The following DCAF17 variants were observed in gnomAD, a reference collection of about 807,000 sequenced individuals.
The protein encoded by DCAF17 is DDB1- and CUL4-associated factor 17.
Under a neutral mutation model 66.0 loss-of-function variants are expected in DCAF17, and 48 were observed. The observed-to-expected ratio is 0.73, with a 90% CI of 0.58 to 0.92. DCAF17 has a LOEUF of 0.92. Among genes scored for constraint, DCAF17 ranks in the 40% least tolerant of loss-of-function variants. The probability of loss-of-function intolerance (pLI) is 0.00; values close to 1 mark genes in which losing one functional copy is unlikely to be tolerated. For missense variants in DCAF17, 562 were observed against 622.8 expected, an observed-to-expected ratio of 0.90 and a Z score of 1.04; for synonymous variants, 206 against 214.6, an observed-to-expected ratio of 0.96 and a Z score of 0.35.
At chr2:171,474,166 TATTAAATTTGAAA>T in intron 10 of DCAF17, 191 bp downstream of exon 10, 1 of 601,204 alleles carries the variant, frequency 1.7e-6, no homozygotes, top group Non-Finnish European at 3.0e-6. Context: ...TGTTTGTAAA[TATTAAATTTGAAA>T]ACGTTATTTG....
At chr2:171,434,863 G>A (rs1693741595) in intron 1 of DCAF17, 160 bp downstream of exon 1, 4 of 1,157,618 alleles carry the variant, frequency 3.5e-6, no homozygotes, top group Middle Eastern at 3.0e-4. Context: ...GTGGTAATAG[G>A]GCCACCAGCT....
intron 10 of DCAF17, among the ~76,000 whole-genome samples, chr2:171,475,337 G>T (rs929253641): frequency 6.6e-6 from 1 of 152,092 alleles, no homozygotes; most frequent in African/African-American, 2.4e-5. Context: ...TTATTTTTGT[G>T]ATCTTCTGCT....
In DCAF17 at chr2:171,448,670, T is replaced by A; in HGVS notation, c.322-11T>A. 1 of 1,554,034 alleles carries A rather than the reference T, an allele frequency of 6.4e-7. No homozygotes were observed. The highest frequency in any genetic ancestry group is 8.7e-7 in the Non-Finnish European group (1 of 1,153,446). ...GCAGTTTCATTTTTATATCTCTCTT[T>A]TTTTTTTTAGGGAGATATACTTCCC... On this transcript the variant is annotated splice_polypyrimidine_tract_variant and intron_variant, in intron 3 of 13. Coordinates refer to ENST00000375255, the MANE Select transcript of DCAF17 (RefSeq NM_025000.4).
chr2:171,481,540 T>C lies in DCAF17; in HGVS notation c.*426T>C. 1 of 454,454 alleles carries C rather than the reference T, an allele frequency of 2.2e-6. No homozygotes were observed. The highest frequency in any genetic ancestry group is 1.6e-5 in the South Asian group (1 of 64,482). The allele number at this position is 454,454 out of a possible 1,614,324, so 28.2% of individuals were successfully genotyped here. On this transcript the variant is annotated 3_prime_UTR_variant, in exon 14 of 14. Transcript: ENST00000375255. ...AGTAAACATGCAGAAAGAAATCTTATATCCTCTATACCAAACTTTGCTTAA... is the reference window on the plus strand; with the variant it reads ...AGTAAACATGCAGAAAGAAATCTTACATCCTCTATACCAAACTTTGCTTAA...
chr2:171,443,707 AATATC>A, intron 3 of DCAF17, 94 bp downstream of exon 3: 1 of 962,422 alleles, frequency 1.0e-6, no homozygotes, highest in East Asian at 2.6e-5. Flanking sequence ...ATACAACTTA[AATATC>A]ATAGTGACTC....
chr2:171,468,654 T>C (rs532351603), intron 8 of DCAF17, among the ~76,000 whole-genome samples: 3 of 152,254 alleles, frequency 2.0e-5, no homozygotes, highest in African/African-American at 7.2e-5. Flanking sequence ...CACATATACC[T>C]CCTGAAAACA....
At chr2:171,458,906 A>G (rs1695415014) in intron 8 of DCAF17, among the ~76,000 whole-genome samples, 1 of 152,126 alleles carries the variant, frequency 6.6e-6, no homozygotes. Context: ...CACAGACAGA[A>G]CTTCCCAGTA....
chr2:171,449,854 A>G, intron 4 of DCAF17, 25 bp from the exon 5 acceptor site: 1 of 1,594,340 alleles, frequency 6.3e-7, no homozygotes, highest in Non-Finnish European at 8.6e-7. Flanking sequence ...CCAAATAAAT[A>G]AACTTCTCTT....
chr2:171,450,073 G>A, intron 5 of DCAF17, 116 bp downstream of exon 5: 1 of 891,322 alleles, frequency 1.1e-6, no homozygotes, highest in Non-Finnish European at 1.8e-6. Context: ...GTAAAAGATA[G>A]GATTCACGGC....
At chr2:171,467,504 C>T (rs571905094) in intron 8 of DCAF17, among the ~76,000 whole-genome samples, 6 of 152,002 alleles carry the variant, frequency 3.9e-5, no homozygotes, top group South Asian at 4.2e-4. Context: ...GCCTGGCCAA[C>T]GTAGTGAAAC....
chr2:171,458,131 A>T, intron 7 of DCAF17, 56 bp downstream of exon 7: 1 of 1,489,836 alleles, frequency 6.7e-7, no homozygotes, highest in Non-Finnish European at 9.3e-7. Context: ...CGACTAAAGT[A>T]TGATTTTTTT....
At chr2:171,479,808 G>T (rs1358656716) in intron 12 of DCAF17, 6 of 478,924 alleles carry the variant, frequency 1.3e-5, no homozygotes, top group Non-Finnish European at 7.6e-6. Flanking sequence ...CATAGACTTG[G>T]TTTTGTTTAT....
At chr2:171,458,567 C>A in intron 8 of DCAF17, 90 bp downstream of exon 8, 1 of 1,046,850 alleles carries the variant, frequency 9.6e-7, no homozygotes, top group South Asian at 1.4e-5. Flanking sequence ...ATGTTTTTCT[C>A]ATTTATTTAA....
intron 8 of DCAF17, among the ~76,000 whole-genome samples, chr2:171,461,847 T>C (rs1695603501): frequency 7.6e-6 from 1 of 131,644 alleles, no homozygotes; most frequent in Non-Finnish European, 1.8e-5. Flanking sequence ...ACCAGTGATC[T>C]GCTTTTTTTT....
Position 171,465,217 on chromosome 2 carries a change from A to T in DCAF17, c.839-3671A>T, listed in dbSNP as rs559841645. Reference sequence around the variant, plus strand: ...TGTCTCAAAAAGGAAAAAAAAAAAAAAGTATGGGGTGAAGGTTAAGATTTC... The same window carrying T: ...TGTCTCAAAAAGGAAAAAAAAAAAATAGTATGGGGTGAAGGTTAAGATTTC... On this transcript the variant is annotated intron_variant, in intron 8 of 13. Coordinates refer to ENST00000375255, the MANE Select transcript of DCAF17 (RefSeq NM_025000.4). 3.7e-4 allele frequency among the ~76,000 whole-genome samples: 56 copies of T among 151,896 alleles called. No individual in the cohort carries two copies. In the South Asian group the frequency reaches 0.011, roughly 31 times the overall value.
At chr2:171,452,403 TTGA>T (rs1695005595) in intron 5 of DCAF17, among the ~76,000 whole-genome samples, 1 of 152,040 alleles carries the variant, frequency 6.6e-6, no homozygotes, top group Non-Finnish European at 1.5e-5. Context: ...CAAGCTTTCA[TTGA>T]TGATATTATT....
At chr2:171,462,304 A>G (rs1695631239) in intron 8 of DCAF17, among the ~76,000 whole-genome samples, 1 of 152,172 alleles carries the variant, frequency 6.6e-6, no homozygotes, top group South Asian at 2.1e-4. Context: ...TAACAACAGG[A>G]GACATAGTTA....
rs1312205640 is a variant in DCAF17 at position 171,482,322 on chromosome 2, T to C, written c.*1208T>C. Reference sequence around the variant, plus strand: ...CTGATTCAAGTTTAAGGTTAAAATATGGAATTTTTAGCTTGGATGATTTAT... The same window carrying C: ...CTGATTCAAGTTTAAGGTTAAAATACGGAATTTTTAGCTTGGATGATTTAT... On this transcript the variant is annotated 3_prime_UTR_variant, in exon 14 of 14. Transcript: ENST00000375255. 7 of 453,818 alleles carry C rather than the reference T, an allele frequency of 1.5e-5. No individual in the cohort carries two copies. The highest frequency in any genetic ancestry group is 9.3e-5 in the South Asian group (6 of 64,350). The allele number at this position is 453,818 out of a possible 1,614,324, so 28.1% of individuals were successfully genotyped here.
Position 171,483,925 on chromosome 2 carries a change from C to A in DCAF17, c.*2811C>A. On this transcript the variant is annotated 3_prime_UTR_variant, in exon 14 of 14. Coordinates refer to ENST00000375255, the MANE Select transcript of DCAF17 (RefSeq NM_025000.4). ...CCTCCAAAGTTCTCAAAAGGCAAGG[C>A]ATGTTATTTTATCCCAATTTAGCAT... The A allele has an allele frequency of 2.2e-6, 1 of 453,992 alleles. No individual in the cohort carries two copies. The highest frequency in any genetic ancestry group is 4.4e-6 in the Non-Finnish European group (1 of 226,784). 28.1% of individuals were successfully genotyped at this position (453,992 alleles called of 1,614,324 possible).
Sources: allele counts gnomAD v4.1 joint callset (sites outside exome capture counted in the v4.1 genomes callset), GRCh38; gene constraint gnomAD v4.1.1; transcripts MANE v1.5; gene names NCBI Gene and HGNC (gene_info 2026-07-23, HGNC 2026-07-21).